The following DCAF6 variants were observed in gnomAD, a reference collection of about 807,000 sequenced individuals.
DCAF6 encodes the protein DDB1 and CUL4 associated factor 6, also known as DDB1- and CUL4-associated factor 6.
A neutral mutation model predicts 125.1 loss-of-function variants in DCAF6; 54 were observed. The ratio of observed to expected loss-of-function variants is 0.43; its 90% confidence interval spans 0.35 to 0.54. The LOEUF is 0.54. DCAF6 is among the 20% of genes least tolerant of loss of function. The pLI, the probability that DCAF6 is intolerant of heterozygous loss-of-function variation, is 0.01. For missense variants in DCAF6, 934 were observed against 1,161.7 expected (o/e 0.80, Z 2.85); for synonymous variants, 371 against 390.4 (o/e 0.95, Z 0.58).
chr1:167,996,412 T>G (rs1382806378), intron 7 of DCAF6, among the ~76,000 whole-genome samples: 1 of 152,202 alleles, frequency 6.6e-6, no homozygotes, highest in Non-Finnish European at 1.5e-5. Context: ...ATCTGACTAC[T>G]GCTTACCACC....
At chr1:168,065,829 A>G in intron 19 of DCAF6, 83 bp downstream of exon 19, 12 of 1,304,778 alleles carry the variant, frequency 9.2e-6, no homozygotes, top group Non-Finnish European at 7.3e-6. Context: ...TTTAATTGTT[A>G]ATATTATAAG....
At chr1:168,059,118 G>T (rs1691271139) in intron 17 of DCAF6, among the ~76,000 whole-genome samples, 1 of 151,402 alleles carries the variant, frequency 6.6e-6, no homozygotes, top group East Asian at 1.9e-4. Flanking sequence ...TTCTTATCTG[G>T]AATTTTAAAA....
At chr1:167,876,422 T>C in the DCAF6 span, among the ~76,000 whole-genome samples, 1 of 152,196 alleles carries the variant, frequency 6.6e-6, no homozygotes, top group African/African-American at 2.4e-5. Context: ...TCCATAACAC[T>C]ATCTCTTGAA....
chr1:167,974,961 T>C lies in DCAF6; in HGVS notation c.384T>C (p.Asp128=). Residue 128 remains aspartate (D), a synonymous_variant, in exon 4 of 22, where the codon GAT becomes GAC. Transcript: ENST00000367840. Reference sequence around the variant, plus strand: ...TATTTTATACCAACGTTGAGCAAGATGCAGAAACCAACAGACAATGCCAAT... The same window carrying C: ...TATTTTATACCAACGTTGAGCAAGACGCAGAAACCAACAGACAATGCCAAT... ...GVIFYTNVEQ[D]AETNRQCQFT... 1.2e-6 allele frequency: 2 copies of C among 1,609,156 alleles called. No homozygotes were observed. The highest frequency in any genetic ancestry group is 1.7e-6 in the Non-Finnish European group (2 of 1,177,888).
At chr1:167,904,648 A>T in the DCAF6 span, 2 of 583,292 alleles carry the variant, frequency 3.4e-6, no homozygotes, top group Non-Finnish European at 6.1e-6. Context: ...TGTAAACATC[A>T]TCTAGGGAGA....
intron 7 of DCAF6, among the ~76,000 whole-genome samples, chr1:167,995,682 A>T (rs1367049744): frequency 7.5e-6 from 1 of 133,656 alleles, no homozygotes; most frequent in Non-Finnish European, 1.6e-5. Flanking sequence ...TCAGTCTCAG[A>T]AAAAAAAAAA....
chr1:167,875,914 C>T, the DCAF6 span, among the ~76,000 whole-genome samples: 3 of 151,482 alleles, frequency 2.0e-5, no homozygotes, highest in Non-Finnish European at 4.4e-5. Context: ...GATCGCACCA[C>T]TGCACTCCAG....
chr1:167,995,687 A>G (rs1386017419), intron 7 of DCAF6, among the ~76,000 whole-genome samples: 1 of 152,092 alleles, frequency 6.6e-6, no homozygotes, highest in Non-Finnish European at 1.5e-5. Flanking sequence ...CTCAGAAAAA[A>G]AAAAAAAAAG....
At chr1:167,947,420 G>GT (rs1334332678) in intron 1 of DCAF6, among the ~76,000 whole-genome samples, 1 of 150,588 alleles carries the variant, frequency 6.6e-6, no homozygotes, top group Non-Finnish European at 1.5e-5. Flanking sequence ...TTTGGGTTTG[G>GT]TTTTTTCTTG....
At chr1:168,056,137 T>C in intron 17 of DCAF6, 2 of 1,595,002 alleles carry the variant, frequency 1.3e-6, no homozygotes, top group South Asian at 1.1e-5. Flanking sequence ...TCATCTTGTT[T>C]GTTCAATTTT....
intron 2 of DCAF6, among the ~76,000 whole-genome samples, chr1:167,959,950 GT>G (rs1675319277): frequency 6.6e-6 from 1 of 151,910 alleles, no homozygotes; most frequent in African/African-American, 2.4e-5. Flanking sequence ...GGTCATCTGA[GT>G]TTTTTCCCTA....
intron 11 of DCAF6, 92 bp from the exon 12 acceptor site, chr1:168,022,896 T>C: frequency 8.6e-7 from 1 of 1,157,394 alleles, no homozygotes; most frequent in Non-Finnish European, 1.3e-6. Context: ...CGCAGCCTTA[T>C]ACATTTGTTT....
chr1:167,975,639 A>AGGCT (rs973545963), intron 4 of DCAF6, among the ~76,000 whole-genome samples: 6 of 152,196 alleles, frequency 3.9e-5, no homozygotes, highest in Non-Finnish European at 8.8e-5. Context: ...TCAAACTCCC[A>AGGCT]GGCTCAAGCA....
upstream of DCAF6, among the ~76,000 whole-genome samples, chr1:167,930,994 C>T (rs1670891697): frequency 6.6e-6 from 1 of 152,206 alleles, no homozygotes; most frequent in African/African-American, 2.4e-5. Flanking sequence ...TGCAGTGGCA[C>T]GATCTTGGCT....
intron 10 of DCAF6, among the ~76,000 whole-genome samples, chr1:168,014,973 C>T (rs1462763405): frequency 6.6e-6 from 1 of 152,168 alleles, no homozygotes; most frequent in Non-Finnish European, 1.5e-5. Flanking sequence ...GTTATCCCCA[C>T]GTGACACAAA....
chr1:168,015,317 A>G (rs937018379), intron 10 of DCAF6, among the ~76,000 whole-genome samples: 10 of 150,506 alleles, frequency 6.6e-5, no homozygotes, highest in Non-Finnish European at 1.5e-5. Flanking sequence ...AGCTCTTCTC[A>G]ATAAATTCTG....
intron 7 of DCAF6, among the ~76,000 whole-genome samples, chr1:167,997,276 C>A (rs1423090848): frequency 1.3e-5 from 2 of 152,088 alleles, no homozygotes; most frequent in Non-Finnish European, 2.9e-5. Flanking sequence ...ATAAAAATTC[C>A]TCTCTGTTGA....
chr1:167,955,292 TTGAG>T (rs1674602421), intron 2 of DCAF6, among the ~76,000 whole-genome samples: 1 of 152,188 alleles, frequency 6.6e-6, no homozygotes, highest in Admixed American at 6.5e-5. Context: ...ATAAATACCT[TTGAG>T]TGGAATGAAT....
chr1:168,070,154 T>A (rs1217654841), intron 21 of DCAF6, among the ~76,000 whole-genome samples: 1 of 152,148 alleles, frequency 6.6e-6, no homozygotes, highest in Non-Finnish European at 1.5e-5. Context: ...AATATAAAAA[T>A]TCTCTTTCAT....
Sources: gnomAD v4.1 joint callset for allele counts (sites outside exome capture counted in the v4.1 genomes callset) on GRCh38, gnomAD v4.1.1 for gene constraint, MANE v1.5 for transcripts, NCBI Gene and HGNC (gene_info 2026-07-23, HGNC 2026-07-21) for gene names.